Variants in DCLK1 observed in about 807,000 individuals in gnomAD.
DCLK1 encodes doublecortin like kinase 1, also known as serine/threonine-protein kinase DCLK1.
Under a neutral mutation model 86.2 loss-of-function variants are expected in DCLK1, and 16 were observed. The ratio of observed to expected loss-of-function variants is 0.19; its 90% CI spans 0.13 to 0.28. DCLK1 has a LOEUF of 0.28. Ranked by LOEUF, DCLK1 falls within the 10% of genes least tolerant of loss-of-function variation. DCLK1 has a pLI of 1.00. For missense variants in DCLK1, 590 were observed against 940.2 expected (o/e 0.63, Z 4.87); for synonymous variants, 369 against 370.5 (o/e 1.00, Z 0.05).
At chr13:35,837,109 T>C (rs145671267) in intron 7 of DCLK1, among the ~76,000 whole-genome samples, 54 of 152,336 alleles carry the variant, frequency 3.5e-4, no homozygotes, top group African/African-American at 1.2e-3. Context: ...TAAACATCTC[T>C]CCTCAAAATA....
At chr13:35,888,357 A>G (rs1873422623) in intron 4 of DCLK1, among the ~76,000 whole-genome samples, 1 of 152,218 alleles carries the variant, frequency 6.6e-6, no homozygotes, top group Non-Finnish European at 1.5e-5. Context: ...TTCAATTCCA[A>G]AGTGAAGAAA....
intron 3 of DCLK1, among the ~76,000 whole-genome samples, chr13:36,069,702 C>G (rs542612994): frequency 6.6e-6 from 1 of 152,136 alleles, no homozygotes; most frequent in Non-Finnish European, 1.5e-5. Flanking sequence ...ACAACATCAG[C>G]CTTATTTTTG....
chr13:36,047,274 G>T (rs1290264834), intron 3 of DCLK1, among the ~76,000 whole-genome samples: 1 of 152,114 alleles, frequency 6.6e-6, no homozygotes, highest in Non-Finnish European at 1.5e-5. Flanking sequence ...CAGTATGGAG[G>T]TTCCTCAAAA....
chr13:35,800,573 C>T (rs1032169261), intron 15 of DCLK1, among the ~76,000 whole-genome samples: 6 of 152,088 alleles, frequency 3.9e-5, no homozygotes, highest in African/African-American at 1.4e-4. Flanking sequence ...GGACCCAGGA[C>T]GTGTGAAAAA....
chr13:35,792,728 A>T (rs1242213988), intron 16 of DCLK1, among the ~76,000 whole-genome samples: 1 of 152,212 alleles, frequency 6.6e-6, no homozygotes, highest in Non-Finnish European at 1.5e-5. Flanking sequence ...GCTGCGATCA[A>T]ATTGCATGTA....
At position 35,848,591 on chromosome 13, in the gene DCLK1, A is replaced by T. The variant is rs193253814; in HGVS notation, c.1035+5908T>A. ...GTCCAGTTTCTTTTTGCCCTGTCTA[A>T]ACAAAGCCATGGGCTCTATATCAAT... On this transcript the variant is annotated intron_variant, in intron 6 of 16. Coordinates refer to ENST00000360631, the MANE Select transcript of DCLK1 (RefSeq NM_001330071.2). The T allele has an allele frequency of 4.9e-5, 48 of 985,330 alleles. 1 individual carries two copies. The East Asian group carries it at 4.5e-3, about 93-fold the overall frequency. The allele number at this position is 985,330 out of a possible 1,614,324, so 61.0% of individuals were successfully genotyped here.
At chr13:35,950,358 A>G (rs750887337) in intron 3 of DCLK1, among the ~76,000 whole-genome samples, 1 of 152,222 alleles carries the variant, frequency 6.6e-6, no homozygotes, top group Non-Finnish European at 1.5e-5. Flanking sequence ...TAACAGAGGG[A>G]GATTTATAAC....
At chr13:36,078,830 C>CA (rs1035153959) in intron 3 of DCLK1, among the ~76,000 whole-genome samples, 18 of 151,886 alleles carry the variant, frequency 1.2e-4, no homozygotes, top group African/African-American at 3.1e-4. Flanking sequence ...TCATTTCCTA[C>CA]AAAAAAAATA....
chr13:35,932,658 G>T (rs1343337885), intron 4 of DCLK1, among the ~76,000 whole-genome samples: 1 of 152,154 alleles, frequency 6.6e-6, no homozygotes, highest in Non-Finnish European at 1.5e-5. Context: ...CAGATCTCAT[G>T]CAACTTATTC....
chr13:36,018,027 G>A lies in DCLK1; in HGVS notation c.724-70570C>T, dbSNP rs144549111. On this transcript the variant is annotated intron_variant, in intron 3 of 16. Transcript: ENST00000360631. The stretch of plus-strand genomic sequence containing the variant: ...TAATAACATCACTCAGTTCTTCTAC[G>A]GCCTTTATTTCCACTATGGCCAGGA... Among the ~76,000 whole-genome samples the A allele has an allele frequency of 1.6e-3, 244 of 152,188 alleles. 2 individuals are homozygous for A. Among genetic ancestry groups the A allele is most frequent in the East Asian group, 0.013 (66 of 5,180 alleles).
chr13:36,120,866 A>C (rs576394139), intron 2 of DCLK1, among the ~76,000 whole-genome samples: 1 of 152,314 alleles, frequency 6.6e-6, no homozygotes, highest in East Asian at 1.9e-4. Flanking sequence ...ATTTCAAAAC[A>C]TCTTGTTGAG....
chr13:35,957,315 A>G (rs1249426123), intron 3 of DCLK1, among the ~76,000 whole-genome samples: 1 of 152,188 alleles, frequency 6.6e-6, no homozygotes, highest in Non-Finnish European at 1.5e-5. Context: ...GGATTTAAAA[A>G]TGTGTTTAAA....
At chr13:35,901,183 A>G (rs780344314) in intron 4 of DCLK1, among the ~76,000 whole-genome samples, 1 of 152,088 alleles carries the variant, frequency 6.6e-6, no homozygotes, top group East Asian at 1.9e-4. Flanking sequence ...CAGAGGAGAC[A>G]TAAGTAGAAA....
At chr13:35,792,265 C>T (rs2086720849) in intron 16 of DCLK1, among the ~76,000 whole-genome samples, 1 of 152,140 alleles carries the variant, frequency 6.6e-6, no homozygotes, top group South Asian at 2.1e-4. Context: ...GGTGTGTATG[C>T]ATGCATTCGT....
intron 1 of DCLK1, 87 bp from the exon 2 acceptor site, chr13:36,126,243 T>A: frequency 8.8e-7 from 1 of 1,142,112 alleles, no homozygotes; most frequent in Non-Finnish European, 1.1e-6. Flanking sequence ...TTTTTTTATG[T>A]TAGGGACAGG....
intron 6 of DCLK1, chr13:35,849,846 A>AT (rs1870480819): frequency 3.1e-6 from 3 of 980,502 alleles, no homozygotes; most frequent in South Asian, 4.7e-5. Context: ...TCCAGACACA[A>AT]TTTTTTTTAG....
intron 16 of DCLK1, among the ~76,000 whole-genome samples, chr13:35,786,328 A>G (rs1425478074): frequency 6.6e-6 from 1 of 152,216 alleles, no homozygotes; most frequent in Non-Finnish European, 1.5e-5. Flanking sequence ...GATATACTTG[A>G]TGCCTATTTT....
At chr13:36,086,589 A>AT (rs1225473195) in intron 3 of DCLK1, among the ~76,000 whole-genome samples, 2 of 151,968 alleles carry the variant, frequency 1.3e-5, no homozygotes, top group East Asian at 3.9e-4. Flanking sequence ...CCCCACATGC[A>AT]TTAGGTATTT....
intron 1 of DCLK1, among the ~76,000 whole-genome samples, chr13:36,130,168 T>G (rs1318787973): frequency 6.6e-6 from 1 of 152,068 alleles, no homozygotes; most frequent in Non-Finnish European, 1.5e-5. Context: ...TGACCTCTCT[T>G]AAAAAATCCC....
Sources: allele counts gnomAD v4.1 joint callset (sites outside exome capture counted in the v4.1 genomes callset), GRCh38; gene constraint gnomAD v4.1.1; transcripts MANE v1.5; gene names NCBI Gene and HGNC (gene_info 2026-07-23, HGNC 2026-07-21).